Variants in CASC3 observed in about 807,000 individuals in gnomAD.
The protein encoded by CASC3 is protein CASC3.
A neutral mutation model predicts 80.5 loss-of-function variants in CASC3; 30 were observed. The ratio of observed to expected loss-of-function variants is 0.37; its 90% CI spans 0.28 to 0.51. The LOEUF (loss-of-function observed/expected upper bound fraction) is 0.51. Among genes scored for constraint, CASC3 ranks in the 20% least tolerant of loss-of-function variants. CASC3 has a pLI of 0.94. For missense variants in CASC3, 824 were observed against 922.2 expected (o/e 0.89, Z 1.38); for synonymous variants, 312 against 333.6 (o/e 0.94, Z 0.70).
rs1160958506 is a variant in CASC3 at position 40,140,701 on chromosome 17, G to T, written c.153G>T (p.Gln51His). ...GGGGSGSLPS[Q>H]RGGRTGALHL... The stretch of plus-strand genomic sequence containing the variant: ...GCGGCAGCGGCTCTCTGCCTTCACA[G>T]CGCGGAGGCCGAACCGGGGCCCTTC... Residue 51 changes from glutamine (Q) to histidine (H), a missense_variant, in exon 1 of 14, where the codon CAG (glutamine) becomes CAT (histidine). Physicochemically the swap from Gln to His is conservative, Grantham distance 24. Coordinates refer to ENST00000264645, the MANE Select transcript of CASC3 (RefSeq NM_007359.5). 4.4e-6 allele frequency: 7 copies of T among 1,582,186 alleles called. No homozygotes were observed. Among genetic ancestry groups the T allele is most frequent in the Non-Finnish European group, 4.3e-6 (5 of 1,166,316 alleles).
At chr17:40,148,253 C>G (rs1048845911) in intron 3 of CASC3, among the ~76,000 whole-genome samples, 1 of 152,078 alleles carries the variant, frequency 6.6e-6, no homozygotes, top group African/African-American at 2.4e-5. Context: ...CCCTGTCCTA[C>G]TGAATTTGGT....
In CASC3 at chr17:40,140,590, G is replaced by C; in HGVS notation, c.42G>C (p.Glu14Asp). 1 of 1,610,744 alleles carries C rather than the reference G, an allele frequency of 6.2e-7. No homozygotes were observed. The highest frequency in any genetic ancestry group is 1.7e-4 in the Middle Eastern group (1 of 6,052). Residue 14 changes from glutamate to aspartate, a missense_variant, in exon 1 of 14, where the codon GAG becomes GAC. Coordinates refer to ENST00000264645, the MANE Select transcript of CASC3 (RefSeq NM_007359.5). Reference sequence around the variant, plus strand: ...GGCAGCGCGCTTCGCAAGACACCGAGGACGAGGAATCTGGTGCTTCGGGCT... The same window carrying C: ...GGCAGCGCGCTTCGCAAGACACCGACGACGAGGAATCTGGTGCTTCGGGCT... The part of the protein sequence containing the change: ...RRRQRASQDT[E>D]DEESGASGSD...
chr17:40,145,092 C>G (rs753945169), intron 3 of CASC3, among the ~76,000 whole-genome samples: 6 of 151,334 alleles, frequency 4.0e-5, no homozygotes, highest in Non-Finnish European at 7.4e-5. Flanking sequence ...AACTCCTGAC[C>G]TCAGGTGACC....
At chr17:40,168,625 C>T (rs1345823971) in intron 11 of CASC3, 18 of 542,946 alleles carry the variant, frequency 3.3e-5, no homozygotes, top group East Asian at 1.3e-4. Context: ...TTTTTTTCTC[C>T]GTTGCCCAGG....
chr17:40,145,866 A>C (rs1053604878), intron 3 of CASC3, among the ~76,000 whole-genome samples: 3 of 151,916 alleles, frequency 2.0e-5, no homozygotes, highest in African/African-American at 7.3e-5. Context: ...CCTGACCTCA[A>C]GTGATCTGCC....
chr17:40,167,177 G>T, intron 8 of CASC3: 1 of 495,528 alleles, frequency 2.0e-6, no homozygotes. Context: ...GGCCAGGCTG[G>T]TCCTGACTCC....
At position 40,164,116 on chromosome 17, in the gene CASC3, A is replaced by C; in HGVS notation, c.1421A>C (p.Gln474Pro). 6.2e-7 allele frequency: 1 copy of C among 1,612,972 alleles called. No individual in the cohort carries two copies. The highest frequency in any genetic ancestry group is 8.5e-7 in the Non-Finnish European group (1 of 1,179,826). ...QDVAQLNIAEQNWSPGQPSFL... is the reference protein window; with the variant it reads ...QDVAQLNIAEPNWSPGQPSFL... ...GTGGCACAACTAAATATAGCAGAACAGAATTGGAGTCCGGGGCAGCCTTCT... is the reference window on the plus strand; with the variant it reads ...GTGGCACAACTAAATATAGCAGAACCGAATTGGAGTCCGGGGCAGCCTTCT... The change falls in exon 7 of 14, where the codon CAG (glutamine) becomes CCG (proline). Residue 474 changes from glutamine (Q) to proline (P), a missense_variant. Gln to Pro is a moderately conservative substitution (Grantham distance 76). Coordinates refer to ENST00000264645, the MANE Select transcript of CASC3 (RefSeq NM_007359.5).
In CASC3 at chr17:40,163,652, C is replaced by G; in HGVS notation, c.957C>G (p.Phe319Leu). 2 of 1,614,112 alleles carry G rather than the reference C, an allele frequency of 1.2e-6. No homozygotes were observed. The highest frequency in any genetic ancestry group is 1.7e-6 in the Non-Finnish European group (2 of 1,180,020). Residue 319 changes from phenylalanine to leucine, a missense_variant, in exon 7 of 14, where the codon TTC becomes TTG. Phe to Leu is a conservative substitution (Grantham distance 22). Transcript: ENST00000264645. Reference sequence around the variant, plus strand: ...GGAATTATTCTCGATCTGGGGGCTTCAAGGAAGGTCGTGCTGGTTTTAGGC... The same window carrying G: ...GGAATTATTCTCGATCTGGGGGCTTGAAGGAAGGTCGTGCTGGTTTTAGGC... ...APRNYSRSGG[F>L]KEGRAGFRPV...
chr17:40,154,284 C>T (rs745627494), intron 3 of CASC3, among the ~76,000 whole-genome samples: 2 of 152,016 alleles, frequency 1.3e-5, no homozygotes, highest in Non-Finnish European at 2.9e-5. Flanking sequence ...TGGGCTCAAG[C>T]AAGCAGTCTT....
In CASC3 at chr17:40,166,837, T is replaced by A. The variant is rs1481463907; in HGVS notation, c.1512T>A (p.Pro504=). The change falls in exon 8 of 14, where the codon CCT becomes CCA. Residue 504 remains proline, a synonymous_variant. Transcript: ENST00000264645. ...NHIHMGAGPP[P]QFNRMEEMGV... ...TACACATGGGAGCAGGACCTCCACC[T>A]CAGTTTAACCGGATGGAAGAAATGG... The A allele has an allele frequency of 1.2e-6, 2 of 1,606,532 alleles. No individual in the cohort carries two copies. The highest frequency in any genetic ancestry group is 1.7e-6 in the Non-Finnish European group (2 of 1,177,460).
Position 40,163,624 on chromosome 17 carries a change from C to T in CASC3, c.929C>T (p.Pro310Leu), listed in dbSNP as rs769882559. The change falls in exon 7 of 14, where the codon CCC becomes CTC. Residue 310 changes from proline (P) to leucine (L), a missense_variant. Pro to Leu is a moderately conservative substitution (Grantham distance 98). This residue lies in a region of CASC3 where 201 missense variants were observed against 294.1 expected (regional missense o/e 0.68). Coordinates refer to ENST00000264645, the MANE Select transcript of CASC3 (RefSeq NM_007359.5). ...NAAGTGRMSA[P>L]RNYSRSGGFK... ...GCAGGTACCGGCCGTATGTCTGCACCCAGGAATTATTCTCGATCTGGGGGC... is the reference window on the plus strand; with the variant it reads ...GCAGGTACCGGCCGTATGTCTGCACTCAGGAATTATTCTCGATCTGGGGGC... 1 of 1,614,088 alleles carries T rather than the reference C, an allele frequency of 6.2e-7. No homozygotes were observed. Among genetic ancestry groups the T allele is most frequent in the Non-Finnish European group, 8.5e-7 (1 of 1,180,038 alleles).
rs74644678 is a variant in CASC3, at chr17:40,150,376, C to T, written c.297+8769C>T. ...AACAGTGTGAGACTCTCGAAAAAAA[C>T]AAAAGAATGACATCTGCTTCAAAAA... On this transcript the variant is annotated intron_variant, in intron 3 of 13. Coordinates refer to ENST00000264645, the MANE Select transcript of CASC3 (RefSeq NM_007359.5). Among the ~76,000 whole-genome samples the T allele has an allele frequency of 8.9e-3, 1,349 of 151,202 alleles. 26 individuals carry two copies. The highest frequency in any genetic ancestry group is 0.031 in the African/African-American group (1,259 of 41,156).
At position 40,163,889 on chromosome 17, in the gene CASC3, C is replaced by T. The variant is rs2145177926; in HGVS notation, c.1194C>T (p.Pro398=). The change falls in exon 7 of 14, where the codon CCC becomes CCT. Residue 398 remains proline (P), a synonymous_variant. Coordinates refer to ENST00000264645, the MANE Select transcript of CASC3 (RefSeq NM_007359.5). The part of the protein sequence containing the change: ...PDAAPPPPDR[P]IEKKSYSRAR... ...CTGCACCACCACCCCCTGATAGGCC[C>T]ATTGAGAAGAAATCCTATTCCCGGG... 6.2e-7 allele frequency: 1 copy of T among 1,614,130 alleles called. No individual in the cohort carries two copies. Among genetic ancestry groups the T allele is most frequent in the South Asian group, 1.1e-5 (1 of 91,078 alleles).
chr17:40,144,068 A>G (rs1476764344), intron 3 of CASC3, among the ~76,000 whole-genome samples: 1 of 151,874 alleles, frequency 6.6e-6, no homozygotes, highest in Non-Finnish European at 1.5e-5. Context: ...CCTGGCCAAC[A>G]TGGCGAAACC....
intron 11 of CASC3, 196 bp from the exon 12 acceptor site, chr17:40,169,128 A>G (rs1470169167): frequency 3.0e-5 from 17 of 567,632 alleles, no homozygotes; most frequent in Non-Finnish European, 4.8e-5. Context: ...TACTTTGAAG[A>G]AATAAAAACC....
chr17:40,164,750 CTTTTTTTTT>C (rs1022035416), intron 7 of CASC3, among the ~76,000 whole-genome samples: 1 of 74,454 alleles, frequency 1.3e-5, no homozygotes, highest in African/African-American at 6.8e-5. Flanking sequence ...CGTGCCTGGC[CTTTTTTTTT>C]TTTTTTTTTT....
rs1051802456 is a variant in CASC3 at position 40,162,818 on chromosome 17, G to A, written c.702G>A (p.Gln234=). Residue 234 remains glutamine, a synonymous_variant, in exon 6 of 14, where the codon CAG becomes CAA. Coordinates refer to ENST00000264645, the MANE Select transcript of CASC3 (RefSeq NM_007359.5). ...REDEQAPKSR[Q]ELIALYGYDI... ...ATGAGCAGGCCCCAAAGTCCCGACAGGAGCTCATTGCTCTTTATGGTTATG... is the reference window on the plus strand; with the variant it reads ...ATGAGCAGGCCCCAAAGTCCCGACAAGAGCTCATTGCTCTTTATGGTTATG... The A allele has an allele frequency of 1.2e-5, 20 of 1,614,030 alleles. No homozygotes were observed. Among genetic ancestry groups the A allele is most frequent in the Non-Finnish European group, 1.6e-5 (19 of 1,180,026 alleles).
chr17:40,161,738 G>A lies in CASC3; in HGVS notation c.298-15G>A, dbSNP rs768122687. The A allele has an allele frequency of 6.2e-7, 1 of 1,613,074 alleles. No homozygotes were observed. The highest frequency in any genetic ancestry group is 8.5e-7 in the Non-Finnish European group (1 of 1,179,448). ...CAGATCTTATATGCATCGCTGACAGGGAAACTTTTTTCAGGGTGAAGAAGG... is the reference window on the plus strand; with the variant it reads ...CAGATCTTATATGCATCGCTGACAGAGAAACTTTTTTCAGGGTGAAGAAGG... On this transcript the variant is annotated splice_polypyrimidine_tract_variant and intron_variant, in intron 3 of 13. Transcript: ENST00000264645.
At chr17:40,161,448 A>G (rs1328866742) in intron 3 of CASC3, among the ~76,000 whole-genome samples, 1 of 152,174 alleles carries the variant, frequency 6.6e-6, no homozygotes, top group African/African-American at 2.4e-5. Context: ...TGGGCGGCCA[A>G]GGCAGGCAGA....
Sources: allele counts gnomAD v4.1 joint callset (sites outside exome capture counted in the v4.1 genomes callset), GRCh38; gene constraint gnomAD v4.1.1; regional missense constraint gnomAD v4.1.1; transcripts MANE v1.5; gene names NCBI Gene and HGNC (gene_info 2026-07-23, HGNC 2026-07-21).